TVP23A: variants seen among roughly 807,000 people sequenced by gnomAD.
TVP23A encodes the protein trans-golgi network vesicle protein 23 homolog A.
TVP23A carries 21 observed loss-of-function variants against 31.7 expected under a neutral mutation model. The observed-to-expected ratio is 0.66, with a 90% CI of 0.47 to 0.95. TVP23A has a LOEUF of 0.95. TVP23A is among the 40% of genes least tolerant of loss of function. The pLI is 0.00. For synonymous variants in TVP23A, 104 were observed against 96.0 expected (o/e 1.08, Z -0.49); for missense variants, 279 against 255.6 (o/e 1.09, Z -0.62).
chr16:10,770,066 CG>C (rs2031450930), intron 7 of TVP23A, among the ~76,000 whole-genome samples: 1 of 152,228 alleles, frequency 6.6e-6, no homozygotes, highest in Non-Finnish European at 1.5e-5. Flanking sequence ...CCTCGCCCCC[CG>C]ACCCCCAGCT....
downstream of TVP23A, chr16:10,766,565 C>G (rs2030904538): frequency 6.0e-6 from 1 of 165,526 alleles, no homozygotes. This position sits in a 1 kb window ranked among gnomAD's most constrained non-coding sequence, Gnocchi z 4.8. Context: ...CGAACGTGCA[C>G]TCAGGGGCCT....
downstream of TVP23A, among the ~76,000 whole-genome samples, chr16:10,765,399 C>G (rs1409525302): frequency 6.6e-6 from 1 of 150,968 alleles, no homozygotes; most frequent in Admixed American, 6.6e-5. The surrounding 1 kb of genome is among the most constrained non-coding windows in gnomAD (Gnocchi z 4.0). Flanking sequence ...CCCAGCTACT[C>G]AGGAGGCTGA....
chr16:10,790,279 ATTTTTTTTTTTT>A (rs376916439), intron 2 of TVP23A, among the ~76,000 whole-genome samples: 1 of 114,536 alleles, frequency 8.7e-6, no homozygotes, highest in Non-Finnish European at 1.7e-5. Context: ...TTGGGGTAAA[ATTTTTTTTTTTT>A]TTTTTTTTTT....
At chr16:10,762,546 C>A (rs186430761), downstream of TVP23A, among the ~76,000 whole-genome samples, 1 of 152,166 alleles carries the variant, frequency 6.6e-6, no homozygotes, top group Non-Finnish European at 1.5e-5. Context: ...CCCCCAGGAC[C>A]GCGGAGCCGG....
chr16:10,774,583 C>T (rs1273838921), intron 3 of TVP23A, among the ~76,000 whole-genome samples: 1 of 149,450 alleles, frequency 6.7e-6, no homozygotes, highest in East Asian at 2.0e-4. Flanking sequence ...GGAAACCCCT[C>T]TCACTTGGCT....
chr16:10,771,548 A>T, intron 6 of TVP23A, 122 bp downstream of exon 6: 1 of 1,303,910 alleles, frequency 7.7e-7, no homozygotes, highest in African/African-American at 1.5e-5. Context: ...AAAAATATAT[A>T]AACAATAAAA....
chr16:10,784,166 T>C (rs1436944166), intron 2 of TVP23A, among the ~76,000 whole-genome samples: 1 of 151,852 alleles, frequency 6.6e-6, no homozygotes, highest in African/African-American at 2.4e-5. Flanking sequence ...AAACCCTGTC[T>C]CTACTAAAAA....
chr16:10,818,137 C>A lies in TVP23A; in HGVS notation c.55G>T (p.Glu19Ter). The change falls in exon 2 of 8, where the codon GAG (glutamate) becomes TAG (stop). Residue 19 changes from glutamate to a stop codon, truncating the protein, a stop_gained. Transcript: ENST00000299866. LOFTEE classifies it high-confidence loss of function. This position sits in a 1 kb window ranked among gnomAD's most constrained non-coding sequence, Gnocchi z 4.7. ...GCTTTCCTAAAGGCCAGCTCCTCCT[C>A]GTTTCCAAAGTCCAGGGACACATCC... Reference protein sequence around the residue: ...TEDVSLDFGNEEELAFRKAKI... With the variant: ...TEDVSLDFGN The A allele has an allele frequency of 6.2e-7, 1 of 1,609,314 alleles. No individual in the cohort carries two copies. Among genetic ancestry groups the A allele is most frequent in the East Asian group, 2.2e-5 (1 of 44,794 alleles).
At chr16:10,757,934 C>T (rs1900670730), downstream of TVP23A, 2 of 1,613,976 alleles carry the variant, frequency 1.2e-6, no homozygotes, top group Non-Finnish European at 1.7e-6. The surrounding 1 kb of genome is among the most constrained non-coding windows in gnomAD (Gnocchi z 4.1). Flanking sequence ...TCATTGTGGA[C>T]ACCCCACCTG....
chr16:10,762,688 A>G (rs533965218), downstream of TVP23A, among the ~76,000 whole-genome samples: 6 of 152,148 alleles, frequency 3.9e-5, no homozygotes, highest in South Asian at 6.2e-4. Flanking sequence ...GGCTGCACCC[A>G]TGCCTCGGAA....
chr16:10,765,033 G>A, downstream of TVP23A: 1 of 158,056 alleles, frequency 6.3e-6, no homozygotes, highest in Non-Finnish European at 1.4e-5. This position sits in a 1 kb window ranked among gnomAD's most constrained non-coding sequence, Gnocchi z 4.0. Flanking sequence ...GCCTGCCCGA[G>A]TGCCATGCTC....
chr16:10,758,022 C>A, downstream of TVP23A: 5 of 1,612,424 alleles, frequency 3.1e-6, no homozygotes, highest in Non-Finnish European at 2.5e-6. Flanking sequence ...CATCACCACT[C>A]CCCAGGTGAG....
intron 2 of TVP23A, among the ~76,000 whole-genome samples, chr16:10,811,729 C>T (rs1279494103): frequency 6.6e-6 from 1 of 151,506 alleles, no homozygotes; most frequent in South Asian, 2.1e-4. Context: ...ATGGTGAAAC[C>T]CCGTCTCTAC....
At chr16:10,793,889 A>T (rs1596540607) in intron 2 of TVP23A, among the ~76,000 whole-genome samples, 1 of 109,832 alleles carries the variant, frequency 9.1e-6, no homozygotes, top group African/African-American at 3.7e-5. Flanking sequence ...ACAGAGTGAG[A>T]CCCTGTCTCA....
intron 2 of TVP23A, among the ~76,000 whole-genome samples, chr16:10,786,795 C>T (rs528763632): frequency 4.0e-5 from 6 of 151,746 alleles, no homozygotes; most frequent in African/African-American, 1.2e-4. Flanking sequence ...TATACTTTTA[C>T]GTAAATTTGA....
downstream of TVP23A, among the ~76,000 whole-genome samples, chr16:10,762,940 G>A (rs1596469647): frequency 1.3e-5 from 2 of 151,176 alleles, no homozygotes; most frequent in Admixed American, 6.6e-5. Context: ...AGTGTCATGT[G>A]CCTGGGAACA....
Position 10,767,600 on chromosome 16 carries a change from AC to A in TVP23A, c.*1501del, listed in dbSNP as rs1216769086. 8.9e-6 allele frequency: 4 copies of A among 451,136 alleles called. No homozygotes were observed. The highest frequency in any genetic ancestry group is 1.6e-5 in the Non-Finnish European group (4 of 257,250). 27.9% of individuals were successfully genotyped at this position (451,136 alleles called of 1,614,324 possible). A position where few individuals can be genotyped will look rare whatever the true frequency, so the allele number is the denominator to read the frequency against. On this transcript the variant is annotated 3_prime_UTR_variant, in exon 8 of 8. Transcript: ENST00000299866. This position sits in a 1 kb window ranked among gnomAD's most constrained non-coding sequence, Gnocchi z 4.6. ...TATGCCATATCCTTTTGCATTCTGT[AC>A]TTTTTTTAACCATGTGCATTCATGA... is the stretch of plus-strand genomic sequence containing the variant.
intron 2 of TVP23A, among the ~76,000 whole-genome samples, chr16:10,811,265 C>A (rs1301259724): frequency 6.6e-6 from 1 of 152,034 alleles, no homozygotes; most frequent in Admixed American, 6.6e-5. Context: ...AATTATATTT[C>A]TTTTTATTTA....
At chr16:10,758,135 G>A, downstream of TVP23A, 1 of 1,290,560 alleles carries the variant, frequency 7.7e-7, no homozygotes, top group South Asian at 1.3e-5. Flanking sequence ...TTCCCAGTGT[G>A]TGTTCCGCAG....
Sources: allele counts gnomAD v4.1 joint callset (sites outside exome capture counted in the v4.1 genomes callset), GRCh38; gene constraint gnomAD v4.1.1; non-coding constraint Gnocchi (gnomAD v3.1); transcripts MANE v1.5; gene names NCBI Gene and HGNC (gene_info 2026-07-23, HGNC 2026-07-21).